Variants in ALMS1 observed in about 807,000 individuals in gnomAD.
ALMS1 encodes centrosome-associated protein ALMS1.
In ALMS1, 271 loss-of-function variants were observed where a neutral mutation model predicts 352.2. The observed-to-expected ratio is 0.77, with a 90% confidence interval of 0.70 to 0.85. ALMS1 has a LOEUF of 0.85. ALMS1 is among the 40% of genes least tolerant of loss of function. ALMS1 has a pLI of 0.00. For missense variants in ALMS1, 5,445 were observed against 4,870.7 expected, an observed-to-expected ratio of 1.12 and a Z score of -3.51; for synonymous variants, 1,865 against 1,761.2, an observed-to-expected ratio of 1.06 and a Z score of -1.48.
intron 16 of ALMS1, 76 bp from the exon 17 acceptor site, chr2:73,599,325 G>C: frequency 6.3e-7 from 1 of 1,578,764 alleles, no homozygotes; most frequent in Middle Eastern, 1.7e-4. Flanking sequence ...AAGAGGACTT[G>C]TTGGCTTGCT....
intron 21 of ALMS1, 91 bp downstream of exon 21, chr2:73,603,395 T>C: frequency 8.8e-7 from 1 of 1,133,412 alleles, no homozygotes; most frequent in Admixed American, 1.8e-5. Flanking sequence ...ATAAATGTAT[T>C]ATACTCAAGT....
At chr2:73,522,398 T>G (rs1316599569) in intron 11 of ALMS1, among the ~76,000 whole-genome samples, 1 of 152,108 alleles carries the variant, frequency 6.6e-6, no homozygotes, top group Non-Finnish European at 1.5e-5. Flanking sequence ...TTTTTTCTTT[T>G]TCTTTTTCCT....
At chr2:73,470,671 A>G (rs569982039) in intron 9 of ALMS1, 1 of 151,896 alleles carries the variant, frequency 6.6e-6, no homozygotes, top group East Asian at 1.9e-4. Flanking sequence ...TATTCAGTAT[A>G]TGTGTGTTCT....
chr2:73,530,209 C>T (rs1056225382), intron 11 of ALMS1, among the ~76,000 whole-genome samples: 2 of 152,178 alleles, frequency 1.3e-5, no homozygotes, highest in Non-Finnish European at 2.9e-5. Context: ...GCAGGTAGGT[C>T]CCTTCTGCCT....
chr2:73,489,583 A>G (rs369241801), intron 9 of ALMS1, 51 bp from the exon 10 acceptor site: 21 of 1,602,862 alleles, frequency 1.3e-5, no homozygotes, highest in East Asian at 4.5e-5. Flanking sequence ...TGATTTGTTT[A>G]TAACTACTTG....
At chr2:73,394,628 G>A (rs556923633) in intron 1 of ALMS1, among the ~76,000 whole-genome samples, 2 of 152,190 alleles carry the variant, frequency 1.3e-5, no homozygotes, top group Admixed American at 6.5e-5. Flanking sequence ...GGGATTGCAG[G>A]CGTGAGCCAC....
intron 12 of ALMS1, among the ~76,000 whole-genome samples, chr2:73,545,489 A>C (rs1384561251): frequency 2.6e-5 from 4 of 152,182 alleles, no homozygotes; most frequent in Non-Finnish European, 5.9e-5. Context: ...TCATGGTTAC[A>C]TTTTATGTAT....
At chr2:73,521,565 T>C (rs2103965663) in intron 11 of ALMS1, among the ~76,000 whole-genome samples, 1 of 133,414 alleles carries the variant, frequency 7.5e-6, no homozygotes, top group Admixed American at 7.9e-5. Flanking sequence ...TGAAACCCCG[T>C]CTCTACTAAA....
At chr2:73,488,037 G>A (rs1375841643) in intron 9 of ALMS1, among the ~76,000 whole-genome samples, 2 of 152,214 alleles carry the variant, frequency 1.3e-5, no homozygotes, top group Admixed American at 1.3e-4. Flanking sequence ...CCCGGAAAAA[G>A]CACTATAAGT....
At chr2:73,393,360 CTT>C (rs921090769) in intron 1 of ALMS1, among the ~76,000 whole-genome samples, 1 of 150,338 alleles carries the variant, frequency 6.7e-6, no homozygotes, top group Non-Finnish European at 1.5e-5. Context: ...AGGGTTCAAA[CTT>C]TATTCTTTCG....
Position 73,489,641 on chromosome 2 carries a change from A to G in ALMS1, c.7682A>G (p.Gln2561Arg). The G allele has an allele frequency of 6.2e-7, 1 of 1,614,196 alleles. No homozygotes were observed. The highest frequency in any genetic ancestry group is 1.1e-5 in the South Asian group (1 of 91,084). ...GRTTDLSKGL[Q>R]SPRGMGCKPE... ...TTTGTTTGTATCTTCTAGGGTTTACAGAGTCCACGGGGAATGGGATGCAAG... is the reference window on the plus strand; with the variant it reads ...TTTGTTTGTATCTTCTAGGGTTTACGGAGTCCACGGGGAATGGGATGCAAG... Residue 2561 changes from glutamine (Q) to arginine (R), a missense_variant, in exon 10 of 23, where the codon CAG becomes CGG. By Grantham distance (43) the Gln-to-Arg change is conservative. Coordinates refer to ENST00000613296, the MANE Select transcript of ALMS1 (RefSeq NM_001378454.1).
At position 73,519,730 on chromosome 2, in the gene ALMS1, T is replaced by TA. The variant is rs761671478; in HGVS notation, c.9540-45_9540-44insA. The TA allele has an allele frequency of 4.0e-5, 65 of 1,612,280 alleles. No homozygotes were observed. In the African/African-American group the frequency reaches 6.5e-4, roughly 16 times the overall value. On this transcript the variant is annotated intron_variant, in intron 10 of 22. Coordinates refer to ENST00000613296, the MANE Select transcript of ALMS1 (RefSeq NM_001378454.1). ...TTTGGAAAGAGATTTCAGTCTCTAA[T>TA]GGCCAAGGATATAATCTGCTGTATT...
chr2:73,487,208 G>T (rs1000840534), intron 9 of ALMS1, among the ~76,000 whole-genome samples: 4 of 152,156 alleles, frequency 2.6e-5, no homozygotes, highest in Admixed American at 6.5e-5. Context: ...TGCTTGGCTC[G>T]CACTACTATG....
At chr2:73,549,678 T>G (rs1275212735) in intron 12 of ALMS1, among the ~76,000 whole-genome samples, 1 of 152,214 alleles carries the variant, frequency 6.6e-6, no homozygotes, top group East Asian at 1.9e-4. Context: ...AAAACCATCA[T>G]GAGCTGGAAA....
At chr2:73,539,465 C>T (rs143135273) in intron 12 of ALMS1, among the ~76,000 whole-genome samples, 3,341 of 152,102 alleles carry the variant, frequency 0.022, 122 homozygotes, top group Admixed American at 0.086. Context: ...AAAATCGGAG[C>T]GCCTCTCCTC....
intron 15 of ALMS1, among the ~76,000 whole-genome samples, chr2:73,564,608 A>T (rs1674764645): frequency 6.6e-6 from 1 of 152,204 alleles, no homozygotes; most frequent in Non-Finnish European, 1.5e-5. Flanking sequence ...TTAAGCAAAT[A>T]CTGATCCACT....
At chr2:73,397,717 C>T (rs908128855) in intron 1 of ALMS1, among the ~76,000 whole-genome samples, 11 of 152,288 alleles carry the variant, frequency 7.2e-5, no homozygotes, top group African/African-American at 2.6e-4. Flanking sequence ...ATCCACCTGC[C>T]TCGGCCTCCC....
chr2:73,494,005 T>C (rs1485473753), intron 10 of ALMS1, among the ~76,000 whole-genome samples: 1 of 152,212 alleles, frequency 6.6e-6, no homozygotes, highest in Non-Finnish European at 1.5e-5. Flanking sequence ...GCTGCAAATG[T>C]GGTCTCATCA....
chr2:73,520,865 AAATTAAC>A, intron 11 of ALMS1, among the ~76,000 whole-genome samples: 1 of 152,304 alleles, frequency 6.6e-6, no homozygotes, highest in Middle Eastern at 3.4e-3. Context: ...AGTAGCAGGA[AAATTAAC>A]AATTAAGTTT....
Sources: gnomAD v4.1 joint callset for allele counts (sites outside exome capture counted in the v4.1 genomes callset) on GRCh38, gnomAD v4.1.1 for gene constraint, MANE v1.5 for transcripts, NCBI Gene and HGNC (gene_info 2026-07-23, HGNC 2026-07-21) for gene names.